The following WWOX variants were observed in gnomAD, a reference collection of about 807,000 sequenced individuals.
The protein encoded by WWOX is WW domain-containing oxidoreductase.
In WWOX, 69 loss-of-function variants were observed where a neutral mutation model predicts 46.2. The ratio of observed to expected loss-of-function variants is 1.49; its 90% confidence interval spans 1.23 to 1.82. The LOEUF is 1.82. Ranked by LOEUF, WWOX falls within the 40% of genes most tolerant of loss-of-function variation. WWOX has a pLI of 0.00. For synonymous variants in WWOX, 359 were observed against 202.6 expected (o/e 1.77, Z -6.56); for missense variants, 919 against 542.6 (o/e 1.69, Z -6.89).
intron 8 of WWOX, among the ~76,000 whole-genome samples, chr16:78,643,049 C>T (rs1005683268): frequency 1.3e-5 from 2 of 152,002 alleles, no homozygotes; most frequent in African/African-American, 2.4e-5. Context: ...TACTATTATC[C>T]CTGCTGCTGT....
chr16:78,899,507 T>C (rs937951291), intron 8 of WWOX: 2 of 152,136 alleles, frequency 1.3e-5, no homozygotes, highest in African/African-American at 4.8e-5. Flanking sequence ...TCCATAAATG[T>C]TAGTTATTAT....
chr16:78,444,034 G>A (rs1004937348), intron 8 of WWOX, among the ~76,000 whole-genome samples: 1 of 152,148 alleles, frequency 6.6e-6, no homozygotes, highest in Admixed American at 6.6e-5. Context: ...TCCCTGTGAG[G>A]TGTAAGGTAA....
At chr16:78,251,136 G>A (rs568075553) in intron 5 of WWOX, among the ~76,000 whole-genome samples, 11 of 152,298 alleles carry the variant, frequency 7.2e-5, no homozygotes, top group African/African-American at 2.6e-4. Flanking sequence ...CTGAGGATCA[G>A]GGAGTGGAAT....
intron 8 of WWOX, among the ~76,000 whole-genome samples, chr16:79,120,929 C>T (rs985022061): frequency 5.9e-5 from 9 of 151,976 alleles, no homozygotes; most frequent in African/African-American, 1.2e-4. Flanking sequence ...CCACCATGCC[C>T]GGTCAATTTT....
intron 8 of WWOX, among the ~76,000 whole-genome samples, chr16:78,656,882 A>T (rs965861290): frequency 1.3e-5 from 2 of 152,204 alleles, no homozygotes; most frequent in Non-Finnish European, 2.9e-5. Context: ...GGGAGGCTGT[A>T]GATACACAGC....
chr16:78,700,406 T>A (rs1297892711), intron 8 of WWOX, among the ~76,000 whole-genome samples: 1 of 151,912 alleles, frequency 6.6e-6, no homozygotes, highest in Admixed American at 6.6e-5. Context: ...TCCACCTTTG[T>A]GACCTTATTA....
At chr16:78,213,900 A>T (rs2036636593) in intron 5 of WWOX, among the ~76,000 whole-genome samples, 1 of 152,124 alleles carries the variant, frequency 6.6e-6, no homozygotes, top group South Asian at 2.1e-4. Context: ...CGGTTTCAGG[A>T]GGCTGTCTCC....
At chr16:78,613,461 G>C (rs1401394934) in intron 8 of WWOX, among the ~76,000 whole-genome samples, 2 of 152,106 alleles carry the variant, frequency 1.3e-5, no homozygotes, top group African/African-American at 4.8e-5. Context: ...ACCTACCTCT[G>C]GCAGAATCGC....
rs151077539 is a variant in WWOX at position 79,137,234 on chromosome 16, C to T, written c.1057-74374C>T. 2.2e-3 allele frequency among the ~76,000 whole-genome samples: 329 copies of T among 152,270 alleles called. 3 individuals are homozygous for T. The highest frequency in any genetic ancestry group is 7.6e-3 in the African/African-American group (316 of 41,548). The stretch of plus-strand genomic sequence containing the variant: ...GCCATACCCATGCTCTCTATTTCCT[C>T]GATAGACCTTATAGAAATCACCATG... On this transcript the variant is annotated intron_variant, in intron 8 of 8. Transcript: ENST00000566780.
chr16:78,757,770 G>T (rs1407705375), intron 8 of WWOX, among the ~76,000 whole-genome samples: 1 of 151,466 alleles, frequency 6.6e-6, no homozygotes, highest in Non-Finnish European at 1.5e-5. Flanking sequence ...CTGATTGACA[G>T]ATAGCGACCT....
chr16:78,150,644 A>C (rs1163961504), intron 4 of WWOX, among the ~76,000 whole-genome samples: 1 of 151,914 alleles, frequency 6.6e-6, no homozygotes, highest in African/African-American at 2.4e-5. Context: ...CGGCCTCCCA[A>C]AGTGCTGAGA....
chr16:78,654,481 A>G (rs757670201), intron 8 of WWOX, among the ~76,000 whole-genome samples: 6 of 152,230 alleles, frequency 3.9e-5, no homozygotes, highest in Non-Finnish European at 5.9e-5. Flanking sequence ...TATGGTTTTT[A>G]TATTTTAATA....
At chr16:78,976,728 C>G (rs1447036600) in intron 8 of WWOX, among the ~76,000 whole-genome samples, 1 of 152,214 alleles carries the variant, frequency 6.6e-6, no homozygotes, top group Non-Finnish European at 1.5e-5. Context: ...GATACTACTT[C>G]TATCTTCCCC....
chr16:78,967,221 C>T (rs1347420043), intron 8 of WWOX, among the ~76,000 whole-genome samples: 1 of 148,482 alleles, frequency 6.7e-6, no homozygotes, highest in East Asian at 2.0e-4. Context: ...TGATTCAAAT[C>T]ATGTTGCAAG....
intron 8 of WWOX, among the ~76,000 whole-genome samples, chr16:78,860,680 T>C (rs1208404910): frequency 1.3e-5 from 2 of 152,252 alleles, no homozygotes; most frequent in Non-Finnish European, 2.9e-5. Flanking sequence ...GAAAAAGAAG[T>C]GTTCTTCCTG....
At chr16:78,817,062 AC>A (rs1470340411) in intron 8 of WWOX, among the ~76,000 whole-genome samples, 3 of 152,188 alleles carry the variant, frequency 2.0e-5, no homozygotes, top group African/African-American at 7.2e-5. Context: ...TTGTGGAAAT[AC>A]AAAGGTCAAA....
chr16:78,298,706 G>C (rs553776020), intron 5 of WWOX, among the ~76,000 whole-genome samples: 1 of 151,534 alleles, frequency 6.6e-6, no homozygotes, highest in South Asian at 2.1e-4. Context: ...CAGGAGAATC[G>C]CTTAAACCTG....
chr16:78,531,404 G>C (rs1383606916), intron 8 of WWOX, among the ~76,000 whole-genome samples: 1 of 152,146 alleles, frequency 6.6e-6, no homozygotes, highest in African/African-American at 2.4e-5. Flanking sequence ...ACCCTGTTTG[G>C]TTGAAACAAT....
At chr16:79,046,814 A>G (rs2048074286) in intron 8 of WWOX, among the ~76,000 whole-genome samples, 1 of 152,162 alleles carries the variant, frequency 6.6e-6, no homozygotes, top group Admixed American at 6.5e-5. Flanking sequence ...GGCCTGCACT[A>G]CAACAAATGT....
Sources: gnomAD v4.1 joint callset for allele counts (sites outside exome capture counted in the v4.1 genomes callset) on GRCh38, gnomAD v4.1.1 for gene constraint, MANE v1.5 for transcripts, NCBI Gene and HGNC (gene_info 2026-07-23, HGNC 2026-07-21) for gene names.